Variants in ZMIZ2 observed in about 807,000 individuals in gnomAD.
ZMIZ2 encodes zinc finger MIZ domain-containing protein 2.
In ZMIZ2, 26 loss-of-function variants were observed where a neutral mutation model predicts 93.9. The ratio of observed to expected loss-of-function variants is 0.28; its 90% CI spans 0.20 to 0.38. The LOEUF is 0.38. Among genes scored for constraint, ZMIZ2 ranks in the 10% least tolerant of loss-of-function variants. The probability of loss-of-function intolerance (pLI) is 1.00; values close to 1 mark genes in which losing one functional copy is unlikely to be tolerated. For missense variants in ZMIZ2, 1,023 were observed against 1,235.0 expected, an observed-to-expected ratio of 0.83 and a Z score of 2.57; for synonymous variants, 485 against 516.4, an observed-to-expected ratio of 0.94 and a Z score of 0.82.
In ZMIZ2 at chr7:44,761,950, G is replaced by A. The variant is rs771463569; in HGVS notation, c.1596+45G>A. 1 of 1,561,256 alleles carries A rather than the reference G, an allele frequency of 6.4e-7. No individual in the cohort carries two copies. Among genetic ancestry groups the A allele is most frequent in the Admixed American group, 1.8e-5 (1 of 56,548 alleles). The stretch of plus-strand genomic sequence containing the variant: ...GGGGCGGTGCTGTGGCGTGGGGCGG[G>A]GTGTGGTGGGGCCTGGCCCAGCGGT... On this transcript the variant is annotated intron_variant, in intron 11 of 18. Transcript: ENST00000309315. The surrounding 1 kb of genome is among the most constrained non-coding windows in gnomAD (Gnocchi z 5.8).
At position 44,766,684 on chromosome 7, in the gene ZMIZ2, G is replaced by C. The variant is rs752569021; in HGVS notation, c.2655+21G>C. The C allele has an allele frequency of 1.9e-5, 30 of 1,609,846 alleles. No individual in the cohort carries two copies. In the South Asian group the frequency reaches 2.2e-4, roughly 12 times the overall value. On this transcript the variant is annotated intron_variant, in intron 18 of 18. Coordinates refer to ENST00000309315, the MANE Select transcript of ZMIZ2 (RefSeq NM_031449.4). This position sits in a 1 kb window ranked among gnomAD's most constrained non-coding sequence, Gnocchi z 4.4. Reference sequence around the variant, plus strand: ...TGGACGTGAGTACCAGGCCCCATGCGGGGGAGTGCGTGGGAGCCAGGGCTA... The same window carrying C: ...TGGACGTGAGTACCAGGCCCCATGCCGGGGAGTGCGTGGGAGCCAGGGCTA...
intron 7 of ZMIZ2, 118 bp from the exon 8 acceptor site, chr7:44,760,033 T>C (rs1343012607): frequency 3.0e-6 from 3 of 1,014,178 alleles, no homozygotes; most frequent in Non-Finnish European, 4.5e-6. Context: ...GTAGATTATT[T>C]GGAAAATACA....
intron 9 of ZMIZ2, among the ~76,000 whole-genome samples, 198 bp downstream of exon 9, chr7:44,760,791 C>T (rs972669724): frequency 3.3e-5 from 5 of 150,914 alleles, no homozygotes; most frequent in African/African-American, 1.2e-4. Context: ...TCAAGGTTAC[C>T]GTGAGTGTGA....
At chr7:44,767,459 A>C in intron 18 of ZMIZ2, 57 bp from the exon 19 acceptor site, 1 of 1,399,646 alleles carries the variant, frequency 7.1e-7, no homozygotes, top group Non-Finnish European at 1.0e-6. Flanking sequence ...CAGGATGGTC[A>C]CTCAGGTGTG....
rs369865458 is a variant in ZMIZ2, at chr7:44,760,237, C to T, written c.1071+9C>T. The T allele has an allele frequency of 4.2e-5, 67 of 1,608,626 alleles. No homozygotes were observed. In the Middle Eastern group the frequency reaches 6.6e-4, roughly 16 times the overall value. On this transcript the variant is annotated intron_variant, in intron 8 of 18. Coordinates refer to ENST00000309315, the MANE Select transcript of ZMIZ2 (RefSeq NM_031449.4). ...AACCTGGCCTGAGTGGGGTAGGGGG[C>T]CTGGCCGGGAGGATGGGCCGGGAGG...
chr7:44,757,318 G>A (rs1790689368), intron 4 of ZMIZ2, 60 bp from the exon 5 acceptor site: 4 of 1,570,976 alleles, frequency 2.5e-6, no homozygotes, highest in Non-Finnish European at 3.4e-6. Flanking sequence ...TCTGGGGTGA[G>A]CACAGTCCTG....
At position 44,760,491 on chromosome 7, in the gene ZMIZ2, C is replaced by A. The variant is rs1791069344; in HGVS notation, c.1138C>A (p.Pro380Thr). Residue 380 changes from proline (P) to threonine (T), a missense_variant, in exon 9 of 19, where the codon CCA becomes ACA. By Grantham distance (38) the Pro-to-Thr change is conservative (BLOSUM62 -1). This residue lies in a region of ZMIZ2 where 656 missense variants were observed against 777.1 expected (regional missense o/e 0.84). Coordinates refer to ENST00000309315, the MANE Select transcript of ZMIZ2 (RefSeq NM_031449.4). Reference sequence around the variant, plus strand: ...AGGGAACCCCACGCCACCCATGACCCCAAGCAGCAGCGTCCCTTACATGTC... The same window carrying A: ...AGGGAACCCCACGCCACCCATGACCACAAGCAGCAGCGTCCCTTACATGTC... Reference protein sequence around the residue: ...LPGNPTPPMTPSSSVPYMSPN... With the variant: ...LPGNPTPPMTTSSSVPYMSPN... 3.7e-6 allele frequency: 6 copies of A among 1,614,122 alleles called. No individual in the cohort carries two copies. In the East Asian group the frequency reaches 1.3e-4, roughly 36 times the overall value.
intron 1 of ZMIZ2, among the ~76,000 whole-genome samples, chr7:44,753,277 C>T (rs1159989671): frequency 2.0e-5 from 3 of 150,686 alleles, no homozygotes; most frequent in Non-Finnish European, 2.9e-5. Flanking sequence ...TCATGGTTCA[C>T]TCTGTCATCC....
At chr7:44,756,679 G>T in intron 3 of ZMIZ2, 140 bp downstream of exon 3, 1 of 914,194 alleles carries the variant, frequency 1.1e-6, no homozygotes, top group East Asian at 2.6e-5. Context: ...ATATGAGGAT[G>T]GGGCCTCCTG....
intron 1 of ZMIZ2, among the ~76,000 whole-genome samples, chr7:44,751,976 AAAATT>A (rs1297337028): frequency 6.6e-6 from 1 of 152,142 alleles, no homozygotes; most frequent in Non-Finnish European, 1.5e-5. Context: ...AGAAAAAAAA[AAAATT>A]AAAGATTCAT....
chr7:44,757,656 G>T, intron 5 of ZMIZ2, 95 bp downstream of exon 5: 1 of 1,474,206 alleles, frequency 6.8e-7, no homozygotes, highest in Non-Finnish European at 9.0e-7. Context: ...GACAAGCATG[G>T]AATATGCCAG....
In ZMIZ2 at chr7:44,761,256, C is replaced by T. The variant is rs1358822915; in HGVS notation, c.1241-193C>T. ...GAACATCACGACCGAATGCCCAGGC[C>T]TCAGGAGAGATGCTGCCCATGGCCC... On this transcript the variant is annotated intron_variant, in intron 9 of 18. Transcript: ENST00000309315. The surrounding 1 kb of genome is among the most constrained non-coding windows in gnomAD (Gnocchi z 5.8). Among the ~76,000 whole-genome samples, 2 of 152,252 alleles carry T rather than the reference C, an allele frequency of 1.3e-5. No individual in the cohort carries two copies. The highest frequency in any genetic ancestry group is 4.8e-5 in the African/African-American group (2 of 41,462).
chr7:44,754,711 G>A (rs1790446780), intron 1 of ZMIZ2, among the ~76,000 whole-genome samples: 1 of 152,222 alleles, frequency 6.6e-6, no homozygotes, highest in Admixed American at 6.5e-5. Flanking sequence ...CCATGTGAGT[G>A]CTGCGATGGC....
At chr7:44,755,600 T>C (rs1015320383) in intron 1 of ZMIZ2, among the ~76,000 whole-genome samples, 2 of 151,824 alleles carry the variant, frequency 1.3e-5, no homozygotes, top group African/African-American at 4.8e-5. Context: ...GGATGGAGAG[T>C]TGTTGGTTGA....
chr7:44,756,216 T>G lies in ZMIZ2; in HGVS notation c.-34T>G. ...GAGCAGCTGAGTTCCAGATAAAAAC[T>G]GTCAGACCCGGCCTGTAGGCTGCTC... On this transcript the variant is annotated 5_prime_UTR_variant, in exon 2 of 19. Transcript: ENST00000309315. The G allele has an allele frequency of 1.2e-6, 2 of 1,613,952 alleles. No individual in the cohort carries two copies. The highest frequency in any genetic ancestry group is 2.2e-5 in the South Asian group (2 of 91,088).
intron 3 of ZMIZ2, 124 bp downstream of exon 3, chr7:44,756,663 C>A: frequency 9.2e-7 from 1 of 1,081,586 alleles, no homozygotes; most frequent in South Asian, 1.4e-5. Flanking sequence ...GAGGCTGAGG[C>A]ATGACATATG....
chr7:44,764,050 A>G (rs1393338765), intron 13 of ZMIZ2, among the ~76,000 whole-genome samples: 1 of 152,198 alleles, frequency 6.6e-6, no homozygotes, highest in Non-Finnish European at 1.5e-5. Context: ...AGGTAGGAGA[A>G]TCGCTTGAAC....
rs756409223 is a variant in ZMIZ2, at chr7:44,766,122, C to T, written c.2243-42C>T. 2 of 1,543,770 alleles carry T rather than the reference C, an allele frequency of 1.3e-6. No individual in the cohort carries two copies. The highest frequency in any genetic ancestry group is 1.2e-5 in the South Asian group (1 of 80,996). ...CTCCTGGCTCCTCTGCCAGCGGTGG[C>T]CTTCCCCAGCCCTCACCCAGGCCCC... On this transcript the variant is annotated intron_variant, in intron 16 of 18. Coordinates refer to ENST00000309315, the MANE Select transcript of ZMIZ2 (RefSeq NM_031449.4). The surrounding 1 kb of genome is among the most constrained non-coding windows in gnomAD (Gnocchi z 4.4).
chr7:44,767,392 G>A, intron 18 of ZMIZ2, 124 bp from the exon 19 acceptor site: 1 of 849,168 alleles, frequency 1.2e-6, no homozygotes, highest in Non-Finnish European at 1.9e-6. Context: ...GCCTGTGTGT[G>A]AGGAGGGGCT....
Sources: allele counts gnomAD v4.1 joint callset (sites outside exome capture counted in the v4.1 genomes callset), GRCh38; gene constraint gnomAD v4.1.1; regional missense constraint gnomAD v4.1.1; non-coding constraint Gnocchi (gnomAD v3.1); transcripts MANE v1.5; gene names NCBI Gene and HGNC (gene_info 2026-07-23, HGNC 2026-07-21).